Variants in PPP1R14A observed in about 807,000 individuals in gnomAD.
PPP1R14A encodes the protein protein phosphatase 1 regulatory subunit 14A.
Under a neutral mutation model 14.1 loss-of-function variants are expected in PPP1R14A, and 9 were observed. That is an observed-to-expected ratio of 0.64 (90% CI 0.38 to 1.11). PPP1R14A has a LOEUF of 1.11. Among genes scored for constraint, PPP1R14A ranks in the 50% most tolerant of loss-of-function variants. The probability of loss-of-function intolerance (pLI) is 0.01; values close to 1 mark genes in which losing one functional copy is unlikely to be tolerated. For missense variants in PPP1R14A, 208 were observed against 200.7 expected (o/e 1.04, Z -0.22); for synonymous variants, 93 against 88.7 (o/e 1.05, Z -0.27).
At chr19:38,254,566 A>G (rs540991159) in intron 1 of PPP1R14A, among the ~76,000 whole-genome samples, 1 of 152,102 alleles carries the variant, frequency 6.6e-6, no homozygotes, top group East Asian at 1.9e-4. Context: ...TGGCCTCCCA[A>G]AGTTCTGGGA....
At chr19:38,254,843 G>C (rs1025413633) in intron 1 of PPP1R14A, among the ~76,000 whole-genome samples, 12 of 152,076 alleles carry the variant, frequency 7.9e-5, no homozygotes, top group African/African-American at 2.9e-4. Flanking sequence ...GCCCAGGCTG[G>C]AGGGCAATGG....
chr19:38,251,635 G>A (rs1297967748), intron 3 of PPP1R14A, among the ~76,000 whole-genome samples, 189 bp from the exon 4 acceptor site: 2 of 152,004 alleles, frequency 1.3e-5, no homozygotes, highest in African/African-American at 2.4e-5. Context: ...GGGAAAGGGC[G>A]ATGGGAGGGA....
Position 38,256,265 on chromosome 19 carries a change from G to GC in PPP1R14A, c.74dup (p.Ser26GlnfsTer17). ...GCCGCTTCTGCAGCCCCCCGGGACT[G>GC]CCCCCTGGCCCGCGGGCCCGCGATG... On this transcript the variant is annotated frameshift_variant, in exon 1 of 4. Coordinates refer to ENST00000301242, the MANE Select transcript of PPP1R14A (RefSeq NM_033256.3). LOFTEE classifies it high-confidence loss of function. The surrounding 1 kb of genome is among the most constrained non-coding windows in gnomAD (Gnocchi z 5.7). 1 of 1,545,352 alleles carries GC rather than the reference G, an allele frequency of 6.5e-7. No individual in the cohort carries two copies. The highest frequency in any genetic ancestry group is 2.4e-5 in the East Asian group (1 of 41,682).
chr19:38,256,159 C>T lies in PPP1R14A; in HGVS notation c.181G>A (p.Glu61Lys), dbSNP rs1051910090. The T allele has an allele frequency of 1.9e-6, 3 of 1,548,578 alleles. No homozygotes were observed. Among genetic ancestry groups the T allele is most frequent in the Non-Finnish European group, 2.6e-6 (3 of 1,151,878 alleles). The change falls in exon 1 of 4, where the codon GAG becomes AAG. Residue 61 changes from glutamate to lysine, a missense_variant. Transcript: ENST00000301242. The surrounding 1 kb of genome is among the most constrained non-coding windows in gnomAD (Gnocchi z 5.7). ...DVEKWIDGRLEELYRGMEADM... is the reference protein window; with the variant it reads ...DVEKWIDGRLKELYRGMEADM... Reference sequence around the variant, plus strand: ...CTCACCATGCCGCGGTACAGCTCCTCCAGGCGCCCGTCGATCCACTTCTCC... The same window carrying T: ...CTCACCATGCCGCGGTACAGCTCCTTCAGGCGCCCGTCGATCCACTTCTCC...
At chr19:38,253,077 G>A (rs911488449) in intron 1 of PPP1R14A, 103 bp from the exon 2 acceptor site, 13 of 862,624 alleles carry the variant, frequency 1.5e-5, no homozygotes, top group African/African-American at 1.7e-5. Flanking sequence ...CCCAGCTGGC[G>A]GGTTCTGGAG....
Position 38,253,416 on chromosome 19 carries a change from C to CAGGGGACAGGAAGGG in PPP1R14A, c.202-457_202-443dup, listed in dbSNP as rs558636043. ...AGCCAGCTGGGGCGGCCCCTTCCCC[C>CAGGGGACAGGAAGGG]AGGGGACAGGAAGGGAGGGGACAGG... On this transcript the variant is annotated intron_variant, in intron 1 of 3. Coordinates refer to ENST00000301242, the MANE Select transcript of PPP1R14A (RefSeq NM_033256.3). Among the ~76,000 whole-genome samples the CAGGGGACAGGAAGGG allele has an allele frequency of 6.4e-3, 969 of 152,098 alleles. 9 individuals are homozygous for CAGGGGACAGGAAGGG. Among genetic ancestry groups the CAGGGGACAGGAAGGG allele is most frequent in the African/African-American group, 0.022 (924 of 41,450 alleles).
chr19:38,252,812 C>T lies in PPP1R14A; in HGVS notation c.282+82G>A. On this transcript the variant is annotated intron_variant, in intron 2 of 3. Coordinates refer to ENST00000301242, the MANE Select transcript of PPP1R14A (RefSeq NM_033256.3). The surrounding 1 kb of genome is among the most constrained non-coding windows in gnomAD (Gnocchi z 4.1). ...ACACCAGTGCCCGGCATCTAGTGAG[C>T]ACTCAGTAAACACGTGAACTATTGC... The T allele has an allele frequency of 9.9e-7, 1 of 1,008,882 alleles. No individual in the cohort carries two copies. The highest frequency in any genetic ancestry group is 1.7e-5 in the Admixed American group (1 of 58,988). 62.5% of individuals were successfully genotyped at this position (1,008,882 alleles called of 1,614,324 possible).
intron 1 of PPP1R14A, among the ~76,000 whole-genome samples, chr19:38,255,737 C>T (rs1009273842): frequency 3.3e-5 from 5 of 151,098 alleles, no homozygotes; most frequent in Non-Finnish European, 2.9e-5. Flanking sequence ...TCTGCTTTTG[C>T]TTCCTTTGCC....
In PPP1R14A at chr19:38,251,463, G is replaced by A. The variant is rs1472077351; in HGVS notation, c.316-17C>T. On this transcript the variant is annotated splice_polypyrimidine_tract_variant and intron_variant, in intron 3 of 3. Coordinates refer to ENST00000301242, the MANE Select transcript of PPP1R14A (RefSeq NM_033256.3). ...GATGAAGTCCTGAGACAGGGTGGGGGAGCTGAGAACATGGGAACAGTGCGG... is the reference window on the plus strand; with the variant it reads ...GATGAAGTCCTGAGACAGGGTGGGGAAGCTGAGAACATGGGAACAGTGCGG... 3 of 1,557,116 alleles carry A rather than the reference G, an allele frequency of 1.9e-6. No individual in the cohort carries two copies. The highest frequency in any genetic ancestry group is 2.8e-5 in the African/African-American group (2 of 70,966).
rs1445999248 is a variant in PPP1R14A at position 38,256,242 on chromosome 19, C to A, written c.98G>T (p.Arg33Leu). ...ATACTTGACGGTGACGCGCGCGTGCCGCTTCTGCAGCCCCCCGGGACTGCC... is the reference window on the plus strand; with the variant it reads ...ATACTTGACGGTGACGCGCGCGTGCAGCTTCTGCAGCCCCCCGGGACTGCC... Reference protein sequence around the residue: ...PGGSPGGLQKRHARVTVKYDR... With the variant: ...PGGSPGGLQKLHARVTVKYDR... The change falls in exon 1 of 4, where the codon CGG becomes CTG. Residue 33 changes from arginine to leucine, a missense_variant. Transcript: ENST00000301242. The surrounding 1 kb of genome is among the most constrained non-coding windows in gnomAD (Gnocchi z 5.7). The A allele has an allele frequency of 2.6e-6, 4 of 1,550,918 alleles. No individual in the cohort carries two copies. Among genetic ancestry groups the A allele is most frequent in the Non-Finnish European group, 3.5e-6 (4 of 1,153,108 alleles).
At chr19:38,253,141 G>A (rs531504827) in intron 1 of PPP1R14A, 167 bp from the exon 2 acceptor site, 3 of 604,222 alleles carry the variant, frequency 5.0e-6, no homozygotes, top group Non-Finnish European at 8.8e-6. Flanking sequence ...CTGGGTGTTG[G>A]GGGGGAGGGG....
Position 38,256,218 on chromosome 19 carries a change from T to C in PPP1R14A, c.122A>G (p.Tyr41Cys). Reference protein sequence around the residue: ...QKRHARVTVKYDRRELQRRLD... With the variant: ...QKRHARVTVKCDRRELQRRLD... ...CCGCCGCTGCAGCTCCCGCCGGTCATACTTGACGGTGACGCGCGCGTGCCG... is the reference window on the plus strand; with the variant it reads ...CCGCCGCTGCAGCTCCCGCCGGTCACACTTGACGGTGACGCGCGCGTGCCG... Residue 41 changes from tyrosine to cysteine, a missense_variant, in exon 1 of 4, where the codon TAT becomes TGT. By Grantham distance (194) the Tyr-to-Cys change is radical (BLOSUM62 -2). Coordinates refer to ENST00000301242, the MANE Select transcript of PPP1R14A (RefSeq NM_033256.3). This position sits in a 1 kb window ranked among gnomAD's most constrained non-coding sequence, Gnocchi z 5.7. 6.4e-7 allele frequency: 1 copy of C among 1,555,336 alleles called. No homozygotes were observed. The highest frequency in any genetic ancestry group is 2.4e-5 in the East Asian group (1 of 41,950).
chr19:38,252,311 C>A lies in PPP1R14A; in HGVS notation c.310G>T (p.Val104Phe). 6.2e-7 allele frequency: 1 copy of A among 1,612,338 alleles called. No individual in the cohort carries two copies. The highest frequency in any genetic ancestry group is 1.1e-5 in the South Asian group (1 of 90,642). The change falls in exon 3 of 4, where the codon GTC (valine) becomes TTC (phenylalanine). Residue 104 changes from valine (V) to phenylalanine (F), a missense_variant. Physicochemically the swap from Val to Phe is conservative, Grantham distance 50. Transcript: ENST00000301242. The surrounding 1 kb of genome is among the most constrained non-coding windows in gnomAD (Gnocchi z 4.1). ...QGLLKSCGKP[V>F]EDFIQELLAK... ...ATGAGGGAGAGAAAACTCACCTCGA[C>A]AGGTTTCCCACATGACTTCAGGAGT...
At chr19:38,251,634 C>T (rs555341305) in intron 3 of PPP1R14A, among the ~76,000 whole-genome samples, 188 bp from the exon 4 acceptor site, 22 of 148,972 alleles carry the variant, frequency 1.5e-4, no homozygotes, top group Non-Finnish European at 2.8e-4. Flanking sequence ...GGGGAAAGGG[C>T]GATGGGAGGG....
chr19:38,251,301 G>A lies in PPP1R14A; in HGVS notation c.*17C>T, dbSNP rs1452430263. 1.4e-6 allele frequency: 2 copies of A among 1,457,888 alleles called. No homozygotes were observed. Among genetic ancestry groups the A allele is most frequent in the Non-Finnish European group, 1.8e-6 (2 of 1,113,796 alleles). The allele number at this position is 1,457,888 out of a possible 1,614,324, so 90.3% of individuals were successfully genotyped here. A position where few individuals can be genotyped will look rare whatever the true frequency, so the allele number is the denominator to read the frequency against. On this transcript the variant is annotated 3_prime_UTR_variant, in exon 4 of 4. Transcript: ENST00000301242. The stretch of plus-strand genomic sequence containing the variant: ...CAAGCTGGGCGGCGTCCGGGGGGCA[G>A]GGAGAGTGCAAGAGGGTCAGGGGTG...
At chr19:38,253,627 A>T (rs1416207518) in intron 1 of PPP1R14A, among the ~76,000 whole-genome samples, 1 of 152,144 alleles carries the variant, frequency 6.6e-6, no homozygotes, top group African/African-American at 2.4e-5. Context: ...CTGGCTCAGT[A>T]CCCCTGCTGG....
chr19:38,251,960 G>A, intron 3 of PPP1R14A: 1 of 419,738 alleles, frequency 2.4e-6, no homozygotes, highest in Non-Finnish European at 4.3e-6. Flanking sequence ...GGCCCCCAGA[G>A]GTGGGGAAGG....
In PPP1R14A at chr19:38,256,306, T is replaced by TCAGCACGCGCTTGCC. The variant is rs914600163; in HGVS notation, c.19_33dup (p.Gly7_Leu11dup). ...GCCCGCGATGGAGACTGCAGCTTGC[T>TCAGCACGCGCTTGCC]CAGCACGCGCTTGCCCAGCCGCTGA... On this transcript the variant is annotated inframe_insertion, in exon 1 of 4. Transcript: ENST00000301242. The surrounding 1 kb of genome is among the most constrained non-coding windows in gnomAD (Gnocchi z 5.7). The TCAGCACGCGCTTGCC allele has an allele frequency of 6.5e-7, 1 of 1,529,098 alleles. No homozygotes were observed. The highest frequency in any genetic ancestry group is 8.7e-7 in the Non-Finnish European group (1 of 1,144,322). 94.7% of individuals were successfully genotyped at this position (1,529,098 alleles called of 1,614,324 possible).
rs1046410762 is a variant in PPP1R14A at position 38,252,567 on chromosome 19, A to C, written c.283-229T>G. Among the ~76,000 whole-genome samples, 89 of 151,944 alleles carry C rather than the reference A, an allele frequency of 5.9e-4. No homozygotes were observed. Among genetic ancestry groups the C allele is most frequent in the Non-Finnish European group, 1.8e-4 (12 of 67,994 alleles). On this transcript the variant is annotated intron_variant, in intron 2 of 3. Transcript: ENST00000301242. This position sits in a 1 kb window ranked among gnomAD's most constrained non-coding sequence, Gnocchi z 4.1. ...AGAGAGGGCGAGAGGGTCACACAGC[A>C]CTTCCCTCCTCTAAAAAGGTATAAG...
Sources: allele counts gnomAD v4.1 joint callset (sites outside exome capture counted in the v4.1 genomes callset), GRCh38; gene constraint gnomAD v4.1.1; non-coding constraint Gnocchi (gnomAD v3.1); transcripts MANE v1.5; gene names NCBI Gene and HGNC (gene_info 2026-07-23, HGNC 2026-07-21).